Variants in HERC2 observed in about 807,000 individuals in gnomAD.
HERC2 encodes the protein E3 ubiquitin-protein ligase HERC2.
HERC2 carries 102 observed loss-of-function variants against 537.7 expected under a neutral mutation model. The ratio of observed to expected loss-of-function variants is 0.19; its 90% confidence interval spans 0.16 to 0.22. HERC2 has a LOEUF of 0.22. HERC2 is among the 10% of genes least tolerant of loss of function. The pLI, the probability that HERC2 is intolerant of heterozygous loss-of-function variation, is 1.00. For synonymous variants in HERC2, 2,224 were observed against 2,466.2 expected, an observed-to-expected ratio of 0.90 and a Z score of 2.91; for missense variants, 4,236 against 6,198.2, an observed-to-expected ratio of 0.68 and a Z score of 10.63.
rs779630000 is a variant in HERC2, at chr15:28,168,527, G to C, written c.10293C>G (p.Phe3431Leu). The C allele has an allele frequency of 6.2e-7, 1 of 1,614,180 alleles. No homozygotes were observed. The highest frequency in any genetic ancestry group is 8.5e-7 in the Non-Finnish European group (1 of 1,180,002). The change falls in exon 67 of 93, where the codon TTC becomes TTG. Residue 3431 changes from phenylalanine (F) to leucine (L), a missense_variant. Around this residue, in one of 27 missense-constraint regions of HERC2, gnomAD observed 356 missense variants for 450.9 expected, o/e 0.79. Transcript: ENST00000261609. ...ATGCGTCGGAAGGGGCCGCCGAGGA[G>C]AACGAGGGGCACTCCACCGGGGCGA... ...AMIAPVECPS[F>L]SSAAPSDASA...
intron 44 of HERC2, among the ~76,000 whole-genome samples, chr15:28,208,352 T>C (rs909807660): frequency 6.6e-6 from 1 of 152,078 alleles, no homozygotes; most frequent in African/African-American, 2.4e-5. Context: ...CATAAAGTTA[T>C]CATCTACAAG....
At chr15:28,200,784 ATTATG>A (rs965295378) in intron 48 of HERC2, among the ~76,000 whole-genome samples, 1 of 145,338 alleles carries the variant, frequency 6.9e-6, no homozygotes, top group African/African-American at 2.6e-5. Context: ...CAGAAATGTC[ATTATG>A]TTAAGATTCT....
At chr15:28,112,968 A>C (rs1189702017) in intron 92 of HERC2, 103 bp downstream of exon 92, 9 of 861,570 alleles carry the variant, frequency 1.0e-5, no homozygotes, top group Non-Finnish European at 1.1e-5. Flanking sequence ...GTAAAGACTC[A>C]AGAGGCTCGT....
intron 2 of HERC2, among the ~76,000 whole-genome samples, chr15:28,303,191 A>G (rs2076682420): frequency 1.3e-5 from 2 of 152,176 alleles, no homozygotes; most frequent in African/African-American, 4.8e-5. Context: ...ATATGGTGAG[A>G]GATAGCGGTC....
chr15:28,312,392 G>C, intron 2 of HERC2, among the ~76,000 whole-genome samples: 1 of 152,304 alleles, frequency 6.6e-6, no homozygotes, highest in Non-Finnish European at 1.5e-5. Flanking sequence ...CAGAGCTTTG[G>C]GAGGCCAAGA....
intron 4 of HERC2, among the ~76,000 whole-genome samples, chr15:28,290,591 C>T (rs945519455): frequency 1.3e-5 from 2 of 152,172 alleles, no homozygotes; most frequent in African/African-American, 4.8e-5. Flanking sequence ...GGGCTTCAGA[C>T]AAGCCTCAAC....
chr15:28,318,270 T>C (rs2077142593), intron 2 of HERC2, among the ~76,000 whole-genome samples: 1 of 152,138 alleles, frequency 6.6e-6, no homozygotes, highest in Admixed American at 6.6e-5. Flanking sequence ...TGTAACGTAT[T>C]ACTCTTTACG....
chr15:28,253,786 AC>A (rs1209926089), intron 20 of HERC2, among the ~76,000 whole-genome samples: 2 of 151,058 alleles, frequency 1.3e-5, no homozygotes, highest in Non-Finnish European at 2.9e-5. Context: ...ATATTTTGAA[AC>A]CCCGTCTCTA....
At chr15:28,194,210 C>T (rs1361931516) in intron 52 of HERC2, among the ~76,000 whole-genome samples, 8 of 150,544 alleles carry the variant, frequency 5.3e-5, no homozygotes, top group Non-Finnish European at 1.2e-4. Context: ...GGACTACAGG[C>T]GCCCGCCACC....
chr15:28,134,325 C>T (rs1890394386), intron 79 of HERC2, among the ~76,000 whole-genome samples: 3 of 152,294 alleles, frequency 2.0e-5, no homozygotes, highest in South Asian at 2.1e-4. Context: ...TCTTCTATCC[C>T]GCAACACTGC....
At position 28,268,289 on chromosome 15, in the gene HERC2, G is replaced by C. The variant is rs1383261355; in HGVS notation, c.1598+176C>G. Among the ~76,000 whole-genome samples the C allele has an allele frequency of 2.0e-5, 3 of 152,132 alleles. No individual in the cohort carries two copies. The highest frequency in any genetic ancestry group is 4.8e-5 in the African/African-American group (2 of 41,434). ...CAATTCCCGTTGCCCTCCACACATG[G>C]GCAGAGCTCCTAAGCCATCACCAAG... On this transcript the variant is annotated intron_variant, in intron 12 of 92. Coordinates refer to ENST00000261609, the MANE Select transcript of HERC2 (RefSeq NM_004667.6). The surrounding 1 kb of genome is among the most constrained non-coding windows in gnomAD (Gnocchi z 4.7).
intron 26 of HERC2, among the ~76,000 whole-genome samples, chr15:28,236,392 G>A (rs981243846): frequency 1.3e-5 from 2 of 152,104 alleles, no homozygotes; most frequent in African/African-American, 4.8e-5. Context: ...CTGGGTTCAA[G>A]CAATTCTCCT....
chr15:28,188,190 G>A (rs1227738169), intron 55 of HERC2, among the ~76,000 whole-genome samples: 1 of 152,002 alleles, frequency 6.6e-6, no homozygotes, highest in African/African-American at 2.4e-5. Flanking sequence ...AACTGCAAAA[G>A]GACATTTACA....
intron 84 of HERC2, 23 bp downstream of exon 84, chr15:28,124,983 C>G: frequency 1.3e-6 from 2 of 1,577,076 alleles, no homozygotes; most frequent in Non-Finnish European, 1.7e-6. Flanking sequence ...TGCCCCCGAC[C>G]CACCCAACCT....
rs1470882930 is a variant in HERC2, at chr15:28,116,726, G to A, written c.13548C>T (p.Asp4516=). The change falls in exon 88 of 93, where the codon GAC becomes GAT. Residue 4516 remains aspartate, a synonymous_variant. Coordinates refer to ENST00000261609, the MANE Select transcript of HERC2 (RefSeq NM_004667.6). ...TGGCGGCCGGGCTGAGCAGGTAGCA[G>A]TCTCGGTTGGCCCCAGACTCATCCC... ...NGRDESGANR[D]CYLLSPAARA... 1.2e-6 allele frequency: 2 copies of A among 1,614,016 alleles called. No homozygotes were observed. Among genetic ancestry groups the A allele is most frequent in the Non-Finnish European group, 8.5e-7 (1 of 1,180,024 alleles).
At position 28,141,813 on chromosome 15, in the gene HERC2, T is replaced by C. The variant is rs1891255834; in HGVS notation, c.11734A>G (p.Ser3912Gly). 3.7e-6 allele frequency: 6 copies of C among 1,614,184 alleles called. No homozygotes were observed. The highest frequency in any genetic ancestry group is 5.1e-6 in the Non-Finnish European group (6 of 1,180,020). ...TCATGCAGAACATCCATGTTTTCGC[T>C]GTCTGCCATTAATTCACGAATTTTC... ...AKKIRELMAD[S>G]ENMDVLHESH... The change falls in exon 77 of 93, where the codon AGC (serine) becomes GGC (glycine). Residue 3912 changes from serine (S) to glycine (G), a missense_variant. Transcript: ENST00000261609.
chr15:28,182,347 G>T, intron 57 of HERC2, 54 bp downstream of exon 57: 1 of 1,064,488 alleles, frequency 9.4e-7, no homozygotes, highest in Non-Finnish European at 1.5e-6. Flanking sequence ...ACTTCACGAG[G>T]TGTGGCTGCT....
chr15:28,175,002 T>C (rs1433467969), intron 64 of HERC2, among the ~76,000 whole-genome samples: 4 of 152,242 alleles, frequency 2.6e-5, no homozygotes, highest in East Asian at 1.9e-4. Context: ...CTTGGCCTTA[T>C]AGAATTATAA....
intron 2 of HERC2, chr15:28,315,675 C>G: frequency 1.3e-6 from 1 of 747,110 alleles, no homozygotes; most frequent in East Asian, 2.6e-5. Context: ...GCGCCATTTT[C>G]TTGGAAACCT....
Sources: allele counts gnomAD v4.1 joint callset (sites outside exome capture counted in the v4.1 genomes callset), GRCh38; gene constraint gnomAD v4.1.1; regional missense constraint gnomAD v4.1.1; non-coding constraint Gnocchi (gnomAD v3.1); transcripts MANE v1.5; gene names NCBI Gene and HGNC (gene_info 2026-07-23, HGNC 2026-07-21).